TMEM17: variants seen among roughly 807,000 people sequenced by gnomAD.
TMEM17 encodes transmembrane protein 17.
TMEM17 carries 15 observed loss-of-function variants against 19.1 expected under a neutral mutation model. That is an observed-to-expected ratio of 0.78 (90% CI 0.52 to 1.21). TMEM17 has a LOEUF of 1.21. Ranked by LOEUF, TMEM17 falls within the 50% of genes most tolerant of loss-of-function variation. The pLI is 0.00. For missense variants in TMEM17, 245 were observed against 242.3 expected, an observed-to-expected ratio of 1.01 and a Z score of -0.07; for synonymous variants, 103 against 86.9, an observed-to-expected ratio of 1.19 and a Z score of -1.03.
the TMEM17 span, chr2:62,491,452 A>G: frequency 1.3e-5 from 2 of 152,520 alleles, no homozygotes; most frequent in Non-Finnish European, 2.9e-5. Flanking sequence ...CGGGCAACAT[A>G]GCGAGACCCT....
chr2:62,454,160 C>T, the TMEM17 span, among the ~76,000 whole-genome samples: 1 of 152,250 alleles, frequency 6.6e-6, no homozygotes, highest in African/African-American at 2.4e-5. Context: ...CCAGCTCCCA[C>T]ATCTTAACCT....
the TMEM17 span, among the ~76,000 whole-genome samples, chr2:62,467,434 T>C: frequency 6.6e-6 from 1 of 152,186 alleles, no homozygotes; most frequent in Non-Finnish European, 1.5e-5. Context: ...TCGATGAACA[T>C]GTGAACTTGG....
chr2:62,458,807 T>C, the TMEM17 span, among the ~76,000 whole-genome samples: 1 of 152,224 alleles, frequency 6.6e-6, no homozygotes, highest in Non-Finnish European at 1.5e-5. Flanking sequence ...TCTGTGAGCG[T>C]GACAGCTGGT....
chr2:62,472,006 C>T, the TMEM17 span, among the ~76,000 whole-genome samples: 1 of 152,218 alleles, frequency 6.6e-6, no homozygotes, highest in African/African-American at 2.4e-5. Context: ...TGGGGAGCAG[C>T]CCAAAGCCCC....
the TMEM17 span, among the ~76,000 whole-genome samples, chr2:62,467,012 G>A: frequency 2.6e-5 from 4 of 151,978 alleles, no homozygotes; most frequent in African/African-American, 7.3e-5. Flanking sequence ...ATGGAGTCTC[G>A]CTCTGTTGCC....
the TMEM17 span, among the ~76,000 whole-genome samples, chr2:62,457,058 C>T: frequency 1.2e-3 from 177 of 152,348 alleles, no homozygotes; most frequent in Non-Finnish European, 1.4e-3. The surrounding 1 kb of genome is among the most constrained non-coding windows in gnomAD (Gnocchi z 4.2). Flanking sequence ...GCTTCCCGGT[C>T]CCGGGCCTCT....
downstream of TMEM17, among the ~76,000 whole-genome samples, chr2:62,498,194 G>C (rs1036016995): frequency 6.7e-6 from 1 of 149,942 alleles, no homozygotes; most frequent in African/African-American, 2.5e-5. Context: ...AAACCAGCCT[G>C]GCCAACATGG....
the TMEM17 span, among the ~76,000 whole-genome samples, chr2:62,459,015 A>T: frequency 6.6e-6 from 1 of 152,246 alleles, no homozygotes; most frequent in Non-Finnish European, 1.5e-5. Context: ...ATATGGACAT[A>T]TGTTTTCACT....
At chr2:62,475,093 C>A in the TMEM17 span, among the ~76,000 whole-genome samples, 1 of 152,150 alleles carries the variant, frequency 6.6e-6, no homozygotes, top group East Asian at 1.9e-4. Flanking sequence ...AGAAACACTG[C>A]CTAGGGTTTA....
rs1573436496 is a variant in TMEM17 at position 62,502,690 on chromosome 2, C to T, written c.204+1G>A. 6 of 1,589,160 alleles carry T rather than the reference C, an allele frequency of 3.8e-6. No homozygotes were observed. The highest frequency in any genetic ancestry group is 5.1e-6 in the Non-Finnish European group (6 of 1,170,490). ...GCAAAAGTATTAAAGCTTAGATTTACCTTCATGTGAAGCATCATAATGCTG... is the reference window on the plus strand; with the variant it reads ...GCAAAAGTATTAAAGCTTAGATTTATCTTCATGTGAAGCATCATAATGCTG... On this transcript the variant is annotated splice_donor_variant, in intron 2 of 3. Transcript: ENST00000335390. LOFTEE classifies it high-confidence loss of function.
the TMEM17 span, among the ~76,000 whole-genome samples, chr2:62,459,760 ATATT>A: frequency 7.2e-5 from 11 of 152,348 alleles, no homozygotes; most frequent in African/African-American, 2.6e-4. Flanking sequence ...AAATGAATTT[ATATT>A]TATTCTGTAA....
At chr2:62,459,405 G>A in the TMEM17 span, among the ~76,000 whole-genome samples, 1 of 152,232 alleles carries the variant, frequency 6.6e-6, no homozygotes, top group African/African-American at 2.4e-5. Context: ...TTGTCCTCAG[G>A]TTGGCCTGGG....
At chr2:62,478,623 G>A in the TMEM17 span, among the ~76,000 whole-genome samples, 1 of 152,224 alleles carries the variant, frequency 6.6e-6, no homozygotes, top group South Asian at 2.1e-4. Context: ...CACTGGCTTT[G>A]CCACTGACCT....
the TMEM17 span, among the ~76,000 whole-genome samples, chr2:62,484,861 G>A: frequency 3.8e-4 from 58 of 152,282 alleles, no homozygotes; most frequent in Non-Finnish European, 5.7e-4. Flanking sequence ...GTGAGCTGGT[G>A]GAGAATTACA....
chr2:62,485,044 C>T, the TMEM17 span, among the ~76,000 whole-genome samples: 4 of 152,214 alleles, frequency 2.6e-5, no homozygotes, highest in Non-Finnish European at 4.4e-5. Context: ...CTCAAGGAAT[C>T]CTCCCACCCT....
chr2:62,505,969 C>A, intron 1 of TMEM17, 61 bp downstream of exon 1: 1 of 1,487,562 alleles, frequency 6.7e-7, no homozygotes, highest in Non-Finnish European at 9.2e-7. Flanking sequence ...TCTGGACGCT[C>A]CAAAATCCAC....
the TMEM17 span, among the ~76,000 whole-genome samples, chr2:62,466,774 G>A: frequency 2.6e-5 from 4 of 152,186 alleles, no homozygotes; most frequent in African/African-American, 7.2e-5. Flanking sequence ...AGCTACAGCA[G>A]TAGAAGGTCA....
chr2:62,455,342 AT>A, the TMEM17 span, among the ~76,000 whole-genome samples: 4 of 152,152 alleles, frequency 2.6e-5, no homozygotes, highest in Non-Finnish European at 5.9e-5. Context: ...CAAATACCAC[AT>A]TTTCATTCAC....
chr2:62,472,914 G>A, the TMEM17 span, among the ~76,000 whole-genome samples: 5 of 152,216 alleles, frequency 3.3e-5, no homozygotes, highest in African/African-American at 1.2e-4. Flanking sequence ...CTTTCTTAGA[G>A]CTCAGCCGTG....
Sources: gnomAD v4.1 joint callset for allele counts (sites outside exome capture counted in the v4.1 genomes callset) on GRCh38, gnomAD v4.1.1 for gene constraint, Gnocchi (gnomAD v3.1) non-coding constraint, MANE v1.5 for transcripts, NCBI Gene and HGNC (gene_info 2026-07-23, HGNC 2026-07-21) for gene names.